ABCC4: variants seen among roughly 807,000 people sequenced by gnomAD.
ABCC4 encodes the protein ATP binding cassette subfamily C member 4 (PEL blood group).
ABCC4 carries 102 observed loss-of-function variants against 168.5 expected under a neutral mutation model. The observed-to-expected ratio is 0.61, with a 90% confidence interval of 0.52 to 0.71. The LOEUF (loss-of-function observed/expected upper bound fraction) is 0.71, where lower values mean the gene tolerates loss of function less well. Among genes scored for constraint, ABCC4 ranks in the 30% least tolerant of loss-of-function variants. ABCC4 has a pLI of 0.00. For missense variants in ABCC4, 1,402 were observed against 1,605.8 expected (o/e 0.87, Z 2.17); for synonymous variants, 617 against 590.7 (o/e 1.04, Z -0.65).
chr13:95,136,009 A>C (rs184690870), intron 19 of ABCC4, among the ~76,000 whole-genome samples: 124 of 152,324 alleles, frequency 8.1e-4, no homozygotes, highest in Non-Finnish European at 1.2e-3. Flanking sequence ...GTTTTAAACT[A>C]CATCTAGCAA....
intron 21 of ABCC4, among the ~76,000 whole-genome samples, chr13:95,082,237 T>C (rs1480687871): frequency 3.3e-5 from 5 of 152,178 alleles, no homozygotes; most frequent in Non-Finnish European, 7.3e-5. Flanking sequence ...ATACCTTTTA[T>C]TAAAAAGTAA....
At chr13:95,187,769 T>C (rs2038115398) in intron 10 of ABCC4, among the ~76,000 whole-genome samples, 1 of 152,218 alleles carries the variant, frequency 6.6e-6, no homozygotes, top group Non-Finnish European at 1.5e-5. Flanking sequence ...CACCTACAAC[T>C]AGATTTATTG....
chr13:95,218,944 A>AGAAG (rs2039215977), intron 4 of ABCC4, among the ~76,000 whole-genome samples: 1 of 32,886 alleles, frequency 3.0e-5, no homozygotes, highest in Non-Finnish European at 7.0e-5. Flanking sequence ...AAAGAAAGAA[A>AGAAG]GAAAGAAAGA....
At chr13:95,171,737 A>G (rs1045277847) in intron 13 of ABCC4, among the ~76,000 whole-genome samples, 5 of 152,218 alleles carry the variant, frequency 3.3e-5, no homozygotes, top group African/African-American at 4.8e-5. Flanking sequence ...TTTTAGAGAC[A>G]GTGCCTGTGA....
chr13:95,086,814 G>A (rs561366914), intron 20 of ABCC4, among the ~76,000 whole-genome samples: 2 of 152,258 alleles, frequency 1.3e-5, no homozygotes, highest in African/African-American at 2.4e-5. Flanking sequence ...GATGAAATAT[G>A]TATTTAATCA....
At chr13:95,194,014 A>G (rs891199806) in intron 9 of ABCC4, among the ~76,000 whole-genome samples, 23 of 152,258 alleles carry the variant, frequency 1.5e-4, no homozygotes, top group Admixed American at 5.2e-4. Context: ...CTTTCTCTTC[A>G]TGAAAAGCTG....
intron 27 of ABCC4, among the ~76,000 whole-genome samples, chr13:95,052,507 AT>A (rs2032885462): frequency 6.6e-6 from 1 of 152,224 alleles, no homozygotes; most frequent in African/African-American, 2.4e-5. Flanking sequence ...CAGGAACCAC[AT>A]AAATAATAGA....
chr13:95,139,264 T>C (rs185703346), intron 19 of ABCC4, among the ~76,000 whole-genome samples: 37 of 152,356 alleles, frequency 2.4e-4, no homozygotes, highest in Middle Eastern at 3.4e-3. Context: ...AACATCATTA[T>C]GAGAACTGAG....
chr13:95,169,153 G>A lies in ABCC4; in HGVS notation c.1824+1379C>T, dbSNP rs552414094. Among the ~76,000 whole-genome samples, 8 of 152,262 alleles carry A rather than the reference G, an allele frequency of 5.3e-5. No individual in the cohort carries two copies. The South Asian group carries it at 6.2e-4, about 12-fold the overall frequency. ...CTCCCCTGAAGCCTTCAGAGAGCGC[G>A]GCCCTGCGGACACCTTGATTTTGGA... On this transcript the variant is annotated intron_variant, in intron 14 of 30. Coordinates refer to ENST00000645237, the MANE Select transcript of ABCC4 (RefSeq NM_005845.5).
chr13:95,088,337 CTGATA>C (rs1238680259), intron 20 of ABCC4, among the ~76,000 whole-genome samples: 3 of 152,112 alleles, frequency 2.0e-5, no homozygotes, highest in Non-Finnish European at 2.9e-5. Flanking sequence ...ATCTTAATAA[CTGATA>C]TAACAAGCAC....
chr13:95,048,260 T>C (rs1375453035), intron 27 of ABCC4, among the ~76,000 whole-genome samples: 3 of 152,226 alleles, frequency 2.0e-5, no homozygotes, highest in African/African-American at 7.2e-5. Context: ...TCATACTATT[T>C]GAAACTATAC....
rs1389273549 is a variant in ABCC4, at chr13:95,075,507, G to A, written c.2731C>T (p.Leu911Phe). 1 of 1,614,094 alleles carries A rather than the reference G, an allele frequency of 6.2e-7. No individual in the cohort carries two copies. Among genetic ancestry groups the A allele is most frequent in the Non-Finnish European group, 8.5e-7 (1 of 1,179,986 alleles). The change falls in exon 22 of 31, where the codon CTC (leucine) becomes TTC (phenylalanine). Residue 911 changes from leucine to phenylalanine, a missense_variant. By Grantham distance (22) the Leu-to-Phe change is conservative (BLOSUM62 0). Around this residue, in one of 3 missense-constraint regions of ABCC4, gnomAD observed 1,007 missense variants for 1,127.3 expected, o/e 0.89. Coordinates refer to ENST00000645237, the MANE Select transcript of ABCC4 (RefSeq NM_005845.5). ...GCTTTGTATGCCCGGATGGTCCAGA[G>A]CCCCTGGAGAGAAGATGATAAGTGG... Reference protein sequence around the residue: ...FSHLSSSLQGLWTIRAYKAEE... With the variant: ...FSHLSSSLQGFWTIRAYKAEE...
rs190652396 is a variant in ABCC4 at position 95,300,099 on chromosome 13, C to T, written c.74+1142G>A. On this transcript the variant is annotated intron_variant, in intron 1 of 30. Coordinates refer to ENST00000645237, the MANE Select transcript of ABCC4 (RefSeq NM_005845.5). Reference sequence around the variant, plus strand: ...TCGTGATCCACCCACCTCTGCCTCCCAAAGTGCAGGGATACAGGCGTGAGC... The same window carrying T: ...TCGTGATCCACCCACCTCTGCCTCCTAAAGTGCAGGGATACAGGCGTGAGC... 1.9e-3 allele frequency among the ~76,000 whole-genome samples: 294 copies of T among 152,316 alleles called. 2 individuals are homozygous for T. Among genetic ancestry groups the T allele is most frequent in the Admixed American group, 0.018 (268 of 15,286 alleles).
chr13:95,270,052 A>G (rs79230687), intron 1 of ABCC4, among the ~76,000 whole-genome samples: 4,768 of 152,234 alleles, frequency 0.031, 116 homozygotes, highest in South Asian at 0.067. Context: ...ATTTTCTGTC[A>G]TAAGAGAGGA....
chr13:95,241,366 GA>G lies in ABCC4; in HGVS notation c.306+5608del, dbSNP rs3047272. ...GTGACAGAATGAGACTCCATCTCAG[GA>G]AAAAAAAAAAAATACACATCTCATT... On this transcript the variant is annotated intron_variant, in intron 3 of 30. Coordinates refer to ENST00000645237, the MANE Select transcript of ABCC4 (RefSeq NM_005845.5). Among the ~76,000 whole-genome samples the G allele has an allele frequency of 1.5e-4, 22 of 145,376 alleles. No individual in the cohort carries two copies. In the South Asian group the frequency reaches 2.0e-3, roughly 13 times the overall value.
At chr13:95,038,253 T>A (rs1050549132) in intron 29 of ABCC4, among the ~76,000 whole-genome samples, 2 of 151,932 alleles carry the variant, frequency 1.3e-5, no homozygotes, top group Non-Finnish European at 2.9e-5. Flanking sequence ...CCTTCATGAA[T>A]TCCTGAATTT....
chr13:95,060,758 T>G (rs549156762), intron 26 of ABCC4, among the ~76,000 whole-genome samples: 1 of 152,236 alleles, frequency 6.6e-6, no homozygotes, highest in African/African-American at 2.4e-5. Flanking sequence ...AGCATAAAAT[T>G]TACTGCTTTT....
At chr13:95,100,020 T>C (rs952090500) in intron 20 of ABCC4, among the ~76,000 whole-genome samples, 6 of 152,150 alleles carry the variant, frequency 3.9e-5, no homozygotes, top group Non-Finnish European at 8.8e-5. Context: ...CAGACAAAAA[T>C]GAATGTAATC....
At chr13:95,296,645 G>A (rs2041543001) in intron 1 of ABCC4, among the ~76,000 whole-genome samples, 1 of 152,112 alleles carries the variant, frequency 6.6e-6, no homozygotes, top group South Asian at 2.1e-4. Context: ...CCATATTTAG[G>A]GAAAAGTCCT....
Sources: allele counts gnomAD v4.1 joint callset (sites outside exome capture counted in the v4.1 genomes callset), GRCh38; gene constraint gnomAD v4.1.1; regional missense constraint gnomAD v4.1.1; transcripts MANE v1.5; gene names NCBI Gene and HGNC (gene_info 2026-07-23, HGNC 2026-07-21).